Variants in RNF157 observed in about 807,000 individuals in gnomAD.
The protein encoded by RNF157 is ring finger protein 157.
RNF157 carries 55 observed loss-of-function variants against 88.3 expected under a neutral mutation model. The observed-to-expected ratio is 0.62, with a 90% CI of 0.50 to 0.78. The LOEUF (loss-of-function observed/expected upper bound fraction) is 0.78, where lower values mean the gene tolerates loss of function less well. Among genes scored for constraint, RNF157 ranks in the 30% least tolerant of loss-of-function variants. The pLI, the probability that RNF157 is intolerant of heterozygous loss-of-function variation, is 0.00. For synonymous variants in RNF157, 334 were observed against 341.2 expected, an observed-to-expected ratio of 0.98 and a Z score of 0.23; for missense variants, 788 against 860.8, an observed-to-expected ratio of 0.92 and a Z score of 1.06.
chr17:76,159,343 ACT>A lies in RNF157; in HGVS notation c.1294_1295del (p.Ser434GlnfsTer12). On this transcript the variant is annotated frameshift_variant, in exon 12 of 19. Transcript: ENST00000269391. LOFTEE classifies it high-confidence loss of function. ...GAGCACTGGCTACTCACTTGGAGAGACTCTTTTTGAGTTTGAGTCCCTGACTG... is the reference window on the plus strand; with the variant it reads ...GAGCACTGGCTACTCACTTGGAGAGACTTTTTGAGTTTGAGTCCCTGACTG... ...SSSQGLKLKK[S>X]LSKSTSQNSS... 1 of 1,612,702 alleles carries A rather than the reference ACT, an allele frequency of 6.2e-7. No individual in the cohort carries two copies. Among genetic ancestry groups the A allele is most frequent in the Non-Finnish European group, 8.5e-7 (1 of 1,179,356 alleles).
At chr17:76,180,136 A>G (rs1238496117) in intron 2 of RNF157, among the ~76,000 whole-genome samples, 1 of 152,236 alleles carries the variant, frequency 6.6e-6, no homozygotes, top group East Asian at 1.9e-4. Flanking sequence ...CCTCAAGCTC[A>G]GTATGGATTT....
At position 76,226,829 on chromosome 17, in the gene RNF157, G is replaced by A. The variant is rs564152608; in HGVS notation, c.88+13324C>T. ...CATGTTGCGGTGCTTTGCTGGAATC[G>A]AGTAATGTGCTTAATTCGAAGGTGT... On this transcript the variant is annotated intron_variant, in intron 1 of 18. Transcript: ENST00000269391. 120 of 1,492,488 alleles carry A rather than the reference G, an allele frequency of 8.0e-5. No homozygotes were observed. The East Asian group carries it at 2.0e-3, about 25-fold the overall frequency. The allele number at this position is 1,492,488 out of a possible 1,614,324, so 92.5% of individuals were successfully genotyped here.
chr17:76,204,548 C>T (rs1023400672), intron 2 of RNF157, among the ~76,000 whole-genome samples: 2 of 152,122 alleles, frequency 1.3e-5, no homozygotes, highest in Admixed American at 6.5e-5. Flanking sequence ...TGAATAGCAC[C>T]GGGACTAACA....
intron 18 of RNF157, among the ~76,000 whole-genome samples, chr17:76,149,495 AACTT>A (rs1445724190): frequency 6.6e-6 from 1 of 152,072 alleles, no homozygotes; most frequent in Non-Finnish European, 1.5e-5. Context: ...TAGAAAGCTG[AACTT>A]ACAGCTGAGT....
At chr17:76,204,147 A>T (rs1211236791) in intron 2 of RNF157, among the ~76,000 whole-genome samples, 1 of 152,150 alleles carries the variant, frequency 6.6e-6, no homozygotes, top group Admixed American at 6.6e-5. Context: ...TCCAACCAGC[A>T]TCCCTCACAG....
At position 76,212,365 on chromosome 17, in the gene RNF157, A is replaced by G. The variant is rs2069816104; in HGVS notation, c.206T>C (p.Val69Ala). 6.2e-7 allele frequency: 1 copy of G among 1,601,336 alleles called. No individual in the cohort carries two copies. Among genetic ancestry groups the G allele is most frequent in the Admixed American group, 1.7e-5 (1 of 59,894 alleles). Residue 69 changes from valine to alanine, a missense_variant and splice_region_variant, in exon 2 of 19, where the codon GTG (valine) becomes GCG (alanine). Val to Ala is a moderately conservative substitution (Grantham distance 64). Transcript: ENST00000269391. ...GGAGTAAACTGATTACAGCCATACC[A>G]CAACTGGTCTGTTCCCCAGAAAGTT... ...DLNFLGNRPV[V>A]FPYAAPPPQE... is the part of the protein sequence containing the mutation.
rs1258075032 is a variant in RNF157 at position 76,167,757 on chromosome 17, T to C, written c.337A>G (p.Lys113Glu). 1.2e-6 allele frequency: 2 copies of C among 1,614,080 alleles called. No homozygotes were observed. Among genetic ancestry groups the C allele is most frequent in the African/African-American group, 2.7e-5 (2 of 74,942 alleles). ...EVKSPGEEASKAKVHYNVEFT... is the reference protein window; with the variant it reads ...EVKSPGEEASEAKVHYNVEFT... ...TCAACATTGTAGTGGACTTTAGCTT[T>C]ACTGGCCTCTTCTCCAGGGCTCTTC... The change falls in exon 4 of 19, where the codon AAA becomes GAA. Residue 113 changes from lysine to glutamate, a missense_variant. Coordinates refer to ENST00000269391, the MANE Select transcript of RNF157 (RefSeq NM_052916.3).
chr17:76,169,746 A>AT (rs916595744), intron 3 of RNF157, among the ~76,000 whole-genome samples: 2 of 147,782 alleles, frequency 1.4e-5, no homozygotes, highest in African/African-American at 2.5e-5. Flanking sequence ...GGCCCAGCTA[A>AT]TTTTTTTGTA....
chr17:76,227,109 CTTTTT>C lies in RNF157; in HGVS notation c.88+13039_88+13043del, dbSNP rs566280985. 2.0e-5 allele frequency among the ~76,000 whole-genome samples: 3 copies of C among 150,056 alleles called. No individual in the cohort carries two copies. In the East Asian group the frequency reaches 5.8e-4, roughly 29 times the overall value. On this transcript the variant is annotated intron_variant, in intron 1 of 18. Coordinates refer to ENST00000269391, the MANE Select transcript of RNF157 (RefSeq NM_052916.3). ...AAATGCCAAATAATATTAATAACCTCTTTTTTTGTTTTTTTTTTTTTTTGAGACGG... is the reference window on the plus strand; with the variant it reads ...AAATGCCAAATAATATTAATAACCTCTTGTTTTTTTTTTTTTTTGAGACGG...
chr17:76,185,675 T>C (rs567023712), intron 2 of RNF157, among the ~76,000 whole-genome samples: 84 of 152,084 alleles, frequency 5.5e-4, no homozygotes, highest in African/African-American at 2.0e-3. Flanking sequence ...TTCACCGTGT[T>C]AGCCAGGATG....
chr17:76,154,434 A>G, intron 16 of RNF157, 106 bp from the exon 17 acceptor site: 1 of 779,208 alleles, frequency 1.3e-6, no homozygotes, highest in South Asian at 1.4e-5. Context: ...TCCAGGGCCT[A>G]CGTTAATAGC....
Position 76,226,350 on chromosome 17 carries a change from G to A in RNF157, c.88+13803C>T, listed in dbSNP as rs2070084786. ...TGCAAGAAGGTGAAGGGGGCAACCT[G>A]GTCGGGTTTTGTTAAACTTTCTGGG... is the stretch of plus-strand genomic sequence containing the variant. On this transcript the variant is annotated intron_variant, in intron 1 of 18. Transcript: ENST00000269391. 4.4e-6 allele frequency: 7 copies of A among 1,598,836 alleles called. No homozygotes were observed. The South Asian group carries it at 6.6e-5, about 15-fold the overall frequency.
At chr17:76,183,416 T>C (rs2069230580) in intron 2 of RNF157, among the ~76,000 whole-genome samples, 2 of 152,318 alleles carry the variant, frequency 1.3e-5, no homozygotes, top group South Asian at 2.1e-4. Context: ...CAGCTAATAA[T>C]ATTTAATTAT....
chr17:76,146,614 CG>C lies in RNF157; in HGVS notation c.1922-1262del. ...CCTCCCCTCACGAGGCATCTCTGGC[CG>C]GGGGAGGCCCAGTGTGCTCCTAAGT... On this transcript the variant is annotated intron_variant, in intron 18 of 18. Coordinates refer to ENST00000269391, the MANE Select transcript of RNF157 (RefSeq NM_052916.3). The surrounding 1 kb of genome is among the most constrained non-coding windows in gnomAD (Gnocchi z 4.2). 1.0e-6 allele frequency: 1 copy of C among 985,456 alleles called. No individual in the cohort carries two copies. 61.0% of individuals were successfully genotyped at this position (985,456 alleles called of 1,614,324 possible). A position where few individuals can be genotyped will look rare whatever the true frequency, so the allele number is the denominator to read the frequency against.
intron 2 of RNF157, among the ~76,000 whole-genome samples, chr17:76,181,974 A>G (rs1388315404): frequency 6.6e-6 from 1 of 152,082 alleles, no homozygotes; most frequent in Admixed American, 6.6e-5. Context: ...TTACCCATTC[A>G]TTCAGCACTC....
chr17:76,173,835 C>T (rs1197765428), intron 2 of RNF157, 45 bp from the exon 3 acceptor site: 2 of 1,493,804 alleles, frequency 1.3e-6, no homozygotes, highest in Non-Finnish European at 9.2e-7. Context: ...TTTAAAAAGA[C>T]CCACAGCTGT....
intron 16 of RNF157, among the ~76,000 whole-genome samples, chr17:76,154,967 C>T (rs1267383973): frequency 6.6e-6 from 1 of 152,222 alleles, no homozygotes; most frequent in African/African-American, 2.4e-5. Context: ...GAATGAAGGA[C>T]AATATATTCT....
intron 1 of RNF157, among the ~76,000 whole-genome samples, chr17:76,232,756 ACTGT>A (rs1431939500): frequency 6.6e-6 from 1 of 152,200 alleles, no homozygotes; most frequent in African/African-American, 2.4e-5. Context: ...AACATTTGAC[ACTGT>A]CTGCCTTTTC....
chr17:76,161,436 T>A lies in RNF157; in HGVS notation c.1065+99A>T. On this transcript the variant is annotated intron_variant, in intron 11 of 18. Coordinates refer to ENST00000269391, the MANE Select transcript of RNF157 (RefSeq NM_052916.3). This position sits in a 1 kb window ranked among gnomAD's most constrained non-coding sequence, Gnocchi z 4.6. ...CTAAATACTGCAGCATGCCCTGGTC[T>A]AATTCCTTGCTGCAATGCCACGTAG... is the stretch of plus-strand genomic sequence containing the variant. The A allele has an allele frequency of 1.1e-6, 1 of 919,982 alleles. No homozygotes were observed. The highest frequency in any genetic ancestry group is 2.4e-5 in the East Asian group (1 of 41,578). The allele number at this position is 919,982 out of a possible 1,614,324, so 57.0% of individuals were successfully genotyped here.
Sources: allele counts gnomAD v4.1 joint callset (sites outside exome capture counted in the v4.1 genomes callset), GRCh38; gene constraint gnomAD v4.1.1; non-coding constraint Gnocchi (gnomAD v3.1); transcripts MANE v1.5; gene names NCBI Gene and HGNC (gene_info 2026-07-23, HGNC 2026-07-21).